OPALIN: variants seen among roughly 807,000 people sequenced by gnomAD.
OPALIN encodes the protein transmembrane protein 10.
Under a neutral mutation model 17.8 loss-of-function variants are expected in OPALIN, and 15 were observed. That is an observed-to-expected ratio of 0.84 (90% CI 0.56 to 1.29). OPALIN has a LOEUF of 1.29. Ranked by LOEUF, OPALIN falls within the 50% of genes most tolerant of loss-of-function variation. The pLI is 0.00. For missense variants in OPALIN, 170 were observed against 176.0 expected (o/e 0.97, Z 0.19); for synonymous variants, 62 against 63.8 (o/e 0.97, Z 0.14).
At chr10:96,347,055 G>T (rs1360836458) in intron 5 of OPALIN, among the ~76,000 whole-genome samples, 1 of 151,020 alleles carries the variant, frequency 6.6e-6, no homozygotes, top group Non-Finnish European at 1.5e-5. Context: ...TGTAGATTTA[G>T]CTTTTCTTTT....
At chr10:96,353,556 C>T (rs1845678000) in intron 2 of OPALIN, 9 of 837,716 alleles carry the variant, frequency 1.1e-5, no homozygotes, top group African/African-American at 3.3e-5. Flanking sequence ...GGTGAAGAGA[C>T]AGTTCTCAGA....
At position 96,348,320 on chromosome 10, in the gene OPALIN, G is replaced by T; in HGVS notation, c.218C>A (p.Ser73Ter). The T allele has an allele frequency of 2.6e-6, 4 of 1,550,432 alleles. No individual in the cohort carries two copies. Among genetic ancestry groups the T allele is most frequent in the East Asian group, 4.5e-5 (2 of 44,384 alleles). ...MEESDRPCEI[S>*]EIDDNPKISE... Reference sequence around the variant, plus strand: ...TATCTTGGGATTGTCATCAATTTCTGAAATTTCACATGGTCTGTCACTTTC... The same window carrying T: ...TATCTTGGGATTGTCATCAATTTCTTAAATTTCACATGGTCTGTCACTTTC... The change falls in exon 5 of 6, where the codon TCA (serine) becomes TAA (stop). Residue 73 changes from serine (S) to a stop codon, truncating the protein, a stop_gained. Coordinates refer to ENST00000371172, the MANE Select transcript of OPALIN (RefSeq NM_033207.5). LOFTEE classifies it high-confidence loss of function.
At chr10:96,348,043 G>A (rs1316153857) in intron 5 of OPALIN, among the ~76,000 whole-genome samples, 3 of 152,136 alleles carry the variant, frequency 2.0e-5, no homozygotes, top group African/African-American at 7.2e-5. Flanking sequence ...ATGGTCACAT[G>A]AGTTTTCCAT....
chr10:96,353,432 G>C (rs1454284761), intron 2 of OPALIN: 1 of 1,613,548 alleles, frequency 6.2e-7, no homozygotes, highest in Non-Finnish European at 8.5e-7. Flanking sequence ...GTGACTTCCA[G>C]GCAGGATGAC....
rs1325854969 is a variant in OPALIN, at chr10:96,351,427, C to A, written c.40-17G>T. The stretch of plus-strand genomic sequence containing the variant: ...AGAGGACGTCTGTATGGAAAAAGAA[C>A]ATATATTGTAAAAGAACAAAAAGTC... On this transcript the variant is annotated splice_polypyrimidine_tract_variant and intron_variant, in intron 2 of 5. Transcript: ENST00000371172. 1 of 1,516,022 alleles carries A rather than the reference C, an allele frequency of 6.6e-7. No individual in the cohort carries two copies. The allele number at this position is 1,516,022 out of a possible 1,614,324, so 93.9% of individuals were successfully genotyped here.
At position 96,344,289 on chromosome 10, in the gene OPALIN, C is replaced by T. The variant is rs139646724; in HGVS notation, c.*1652G>A. Reference sequence around the variant, plus strand: ...AACACACACACAGTCCGTCGCAGAACTGCCCTCCTTAAATACTCTCTGATT... The same window carrying T: ...AACACACACACAGTCCGTCGCAGAATTGCCCTCCTTAAATACTCTCTGATT... On this transcript the variant is annotated 3_prime_UTR_variant, in exon 6 of 6. Coordinates refer to ENST00000371172, the MANE Select transcript of OPALIN (RefSeq NM_033207.5). 2.0e-5 allele frequency: 3 copies of T among 152,324 alleles called. No homozygotes were observed. Among genetic ancestry groups the T allele is most frequent in the Non-Finnish European group, 4.4e-5 (3 of 68,082 alleles). 9.4% of individuals were successfully genotyped at this position (152,324 alleles called of 1,614,324 possible). A position where few individuals can be genotyped will look rare whatever the true frequency, so the allele number is the denominator to read the frequency against.
rs1290131584 is a variant in OPALIN at position 96,345,651 on chromosome 10, C to T, written c.*290G>A. ...GGCAAGACACTCAGAAACCAAGCCC[C>T]TTTCCCAAAATGACAAAGAAAAGCA... On this transcript the variant is annotated 3_prime_UTR_variant, in exon 6 of 6. Transcript: ENST00000371172. 1 of 321,162 alleles carries T rather than the reference C, an allele frequency of 3.1e-6. No individual in the cohort carries two copies. Among genetic ancestry groups the T allele is most frequent in the African/African-American group, 2.1e-5 (1 of 46,950 alleles). 19.9% of individuals were successfully genotyped at this position (321,162 alleles called of 1,614,324 possible).
chr10:96,357,288 G>T, intron 1 of OPALIN: 1 of 312,476 alleles, frequency 3.2e-6, no homozygotes, highest in Non-Finnish European at 4.7e-6. Flanking sequence ...CATTGCATGT[G>T]TTGTTTATCA....
chr10:96,346,001 A>ACC lies in OPALIN; in HGVS notation c.365_366insGG (p.Ile123ValfsTer2). 1.2e-6 allele frequency: 2 copies of ACC among 1,614,170 alleles called. No individual in the cohort carries two copies. The highest frequency in any genetic ancestry group is 1.7e-6 in the Non-Finnish European group (2 of 1,180,010). On this transcript the variant is annotated frameshift_variant, in exon 6 of 6. Coordinates refer to ENST00000371172, the MANE Select transcript of OPALIN (RefSeq NM_033207.5). LOFTEE classifies it high-confidence loss of function. ...ATCCCCTCCTTCTTTCCATTTCTAT[A>ACC]GTAGGACGGTAACGGTCATGCACAG...
intron 3 of OPALIN, among the ~76,000 whole-genome samples, chr10:96,350,820 A>G (rs142794165): frequency 2.2e-3 from 334 of 152,354 alleles, no homozygotes; most frequent in Middle Eastern, 6.8e-3. Context: ...TTTGCAGACT[A>G]TCTGGAAATA....
intron 2 of OPALIN, among the ~76,000 whole-genome samples, chr10:96,352,091 C>G (rs1299177761): frequency 6.6e-6 from 1 of 152,132 alleles, no homozygotes; most frequent in Non-Finnish European, 1.5e-5. Context: ...TGCCATAGAA[C>G]AGCCATTTCT....
At chr10:96,354,272 G>A (rs915802942) in intron 2 of OPALIN, among the ~76,000 whole-genome samples, 8 of 151,932 alleles carry the variant, frequency 5.3e-5, no homozygotes, top group African/African-American at 1.7e-4. Flanking sequence ...CTCTAACATC[G>A]ACAATTGAAA....
At position 96,351,415 on chromosome 10, in the gene OPALIN, A is replaced by G; in HGVS notation, c.40-5T>C. ...ACCTGTGACAGGAGAGGACGTCTGTATGGAAAAAGAACATATATTGTAAAA... is the reference window on the plus strand; with the variant it reads ...ACCTGTGACAGGAGAGGACGTCTGTGTGGAAAAAGAACATATATTGTAAAA... On this transcript the variant is annotated splice_polypyrimidine_tract_variant and splice_region_variant and intron_variant, in intron 2 of 5. Transcript: ENST00000371172. The G allele has an allele frequency of 6.5e-7, 1 of 1,535,464 alleles. No homozygotes were observed. Among genetic ancestry groups the G allele is most frequent in the Non-Finnish European group, 8.8e-7 (1 of 1,134,980 alleles).
chr10:96,353,376 C>A, intron 2 of OPALIN: 2 of 1,605,008 alleles, frequency 1.2e-6, no homozygotes, highest in Admixed American at 1.7e-5. Context: ...CTGGCATTCC[C>A]AGGCTACCCA....
chr10:96,351,500 A>T, intron 2 of OPALIN, 90 bp from the exon 3 acceptor site: 1 of 727,514 alleles, frequency 1.4e-6, no homozygotes, highest in Non-Finnish European at 2.2e-6. Context: ...TTAGGCTATA[A>T]AGCCTAAAGT....
chr10:96,346,000 T>G lies in OPALIN; in HGVS notation c.367A>C (p.Ile123Leu). ...EPVHDRYRPT[I>L]EMERRRGLWW... is the part of the protein sequence containing the mutation. Reference sequence around the variant, plus strand: ...AATCCCCTCCTTCTTTCCATTTCTATAGTAGGACGGTAACGGTCATGCACA... The same window carrying G: ...AATCCCCTCCTTCTTTCCATTTCTAGAGTAGGACGGTAACGGTCATGCACA... Residue 123 changes from isoleucine to leucine, a missense_variant, in exon 6 of 6, where the codon ATA becomes CTA. Physicochemically the swap from Ile to Leu is conservative, Grantham distance 5. Transcript: ENST00000371172. 6.2e-7 allele frequency: 1 copy of G among 1,614,154 alleles called. No individual in the cohort carries two copies.
At chr10:96,355,925 G>T (rs1470821466) in intron 1 of OPALIN, among the ~76,000 whole-genome samples, 1 of 152,182 alleles carries the variant, frequency 6.6e-6, no homozygotes, top group Non-Finnish European at 1.5e-5. Context: ...CAAATTTAAA[G>T]ATCGTGGGCT....
chr10:96,358,923 T>G lies in OPALIN; in HGVS notation c.-27A>C, dbSNP rs1334896607. On this transcript the variant is annotated 5_prime_UTR_variant, in exon 1 of 6. Transcript: ENST00000371172. Reference sequence around the variant, plus strand: ...TCTGACAGTCTCCCAGGAACCTTCTTCGTACACTGCCTTTGGTAAGCTCCT... The same window carrying G: ...TCTGACAGTCTCCCAGGAACCTTCTGCGTACACTGCCTTTGGTAAGCTCCT... 1 of 1,613,538 alleles carries G rather than the reference T, an allele frequency of 6.2e-7. No homozygotes were observed. The highest frequency in any genetic ancestry group is 1.3e-5 in the African/African-American group (1 of 74,946).
chr10:96,355,170 G>GGTTTAT, intron 2 of OPALIN, 85 bp downstream of exon 2: 1 of 788,662 alleles, frequency 1.3e-6, no homozygotes, highest in South Asian at 1.4e-5. Context: ...GTGTGTGAGG[G>GGTTTAT]GTTTATGTGA....
Sources: gnomAD v4.1 joint callset for allele counts (sites outside exome capture counted in the v4.1 genomes callset) on GRCh38, gnomAD v4.1.1 for gene constraint, MANE v1.5 for transcripts, NCBI Gene and HGNC (gene_info 2026-07-23, HGNC 2026-07-21) for gene names.